The following CNTNAP5 variants were observed in gnomAD, a reference collection of about 807,000 sequenced individuals.
CNTNAP5 encodes the protein contactin associated protein family member 5, also known as contactin-associated protein-like 5.
Under a neutral mutation model 150.2 loss-of-function variants are expected in CNTNAP5, and 72 were observed. The observed-to-expected ratio is 0.48, with a 90% confidence interval of 0.40 to 0.58. CNTNAP5 has a LOEUF of 0.58. Ranked by LOEUF, CNTNAP5 falls within the 20% of genes least tolerant of loss-of-function variation. The pLI, the probability that CNTNAP5 is intolerant of heterozygous loss-of-function variation, is 0.00. For synonymous variants in CNTNAP5, 672 were observed against 619.8 expected (o/e 1.08, Z -1.25); for missense variants, 1,636 against 1,626.2 (o/e 1.01, Z -0.10).
chr2:124,105,724 T>G (rs1161896779), intron 1 of CNTNAP5, among the ~76,000 whole-genome samples: 1 of 152,200 alleles, frequency 6.6e-6, no homozygotes, highest in Admixed American at 6.5e-5. Flanking sequence ...AGTTTTGTTT[T>G]TGTTGTTATT....
At chr2:124,345,708 G>C (rs1289875971) in intron 3 of CNTNAP5, among the ~76,000 whole-genome samples, 4 of 152,094 alleles carry the variant, frequency 2.6e-5, no homozygotes, top group Non-Finnish European at 1.5e-5. Context: ...GAGAAGAAGA[G>C]AAAATAAGGA....
chr2:124,072,898 C>G (rs925640170), intron 1 of CNTNAP5, among the ~76,000 whole-genome samples: 8 of 151,844 alleles, frequency 5.3e-5, no homozygotes, highest in African/African-American at 1.7e-4. Context: ...CCAGAATAGC[C>G]AAAGCTATCT....
At chr2:124,223,596 A>G (rs1434699178) in intron 2 of CNTNAP5, among the ~76,000 whole-genome samples, 1 of 151,832 alleles carries the variant, frequency 6.6e-6, no homozygotes, top group Non-Finnish European at 1.5e-5. Flanking sequence ...ATCCCACCCA[A>G]ATTGTGCAGC....
chr2:124,108,500 TCTGTCTC>T (rs1683218515), intron 1 of CNTNAP5, among the ~76,000 whole-genome samples: 1 of 152,152 alleles, frequency 6.6e-6, no homozygotes, highest in Non-Finnish European at 1.5e-5. Context: ...AGGCCATCTC[TCTGTCTC>T]GTTAATATTT....
chr2:124,402,290 G>T (rs1458114957), intron 3 of CNTNAP5, among the ~76,000 whole-genome samples: 1 of 152,140 alleles, frequency 6.6e-6, no homozygotes, highest in African/African-American at 2.4e-5. Flanking sequence ...CCAAGGCTGG[G>T]CTGGGAATGA....
chr2:124,126,866 A>G (rs1683717146), intron 1 of CNTNAP5, among the ~76,000 whole-genome samples: 1 of 152,220 alleles, frequency 6.6e-6, no homozygotes, highest in South Asian at 2.1e-4. Flanking sequence ...ACAATCCTTC[A>G]TGCTAAAAAC....
chr2:124,129,946 A>G (rs1331662188), intron 1 of CNTNAP5, among the ~76,000 whole-genome samples: 1 of 152,160 alleles, frequency 6.6e-6, no homozygotes, highest in Non-Finnish European at 1.5e-5. Context: ...CACTGAAGAC[A>G]TCATGGTAAA....
chr2:124,231,329 G>T (rs937451140), intron 2 of CNTNAP5, among the ~76,000 whole-genome samples: 1 of 152,106 alleles, frequency 6.6e-6, no homozygotes, highest in Non-Finnish European at 1.5e-5. Context: ...CATCACTTCA[G>T]TACTCTGGTA....
At chr2:124,503,177 G>T (rs539992016) in intron 7 of CNTNAP5, among the ~76,000 whole-genome samples, 1 of 152,310 alleles carries the variant, frequency 6.6e-6, no homozygotes, top group South Asian at 2.1e-4. Context: ...GCAATAATAT[G>T]CTCATAGCAG....
intron 7 of CNTNAP5, among the ~76,000 whole-genome samples, chr2:124,498,393 G>A (rs998228717): frequency 6.6e-6 from 1 of 152,256 alleles, no homozygotes; most frequent in South Asian, 2.1e-4. Context: ...TCTGGGGAGG[G>A]GGAGGGAAGG....
chr2:124,149,897 ATTCC>A (rs1194354076), intron 1 of CNTNAP5, among the ~76,000 whole-genome samples: 23 of 152,296 alleles, frequency 1.5e-4, no homozygotes, highest in Non-Finnish European at 1.5e-5. Flanking sequence ...CTCTCAGACC[ATTCC>A]TGATGGAGAT....
chr2:124,362,398 G>A (rs967695954), intron 3 of CNTNAP5, among the ~76,000 whole-genome samples: 1 of 152,160 alleles, frequency 6.6e-6, no homozygotes, highest in South Asian at 2.1e-4. Flanking sequence ...AGGATATATC[G>A]ACTAAGTATT....
intron 13 of CNTNAP5, among the ~76,000 whole-genome samples, chr2:124,670,177 C>CTTCCTTCCTTCCTTCCTTCCTTCT (rs879800479): frequency 2.9e-5 from 4 of 138,224 alleles, no homozygotes; most frequent in African/African-American, 1.1e-4. Context: ...TCCTTCCTTC[C>CTTCCTTCCTTCCTTCCTTCCTTCT]TCCCTCTCTT....
intron 13 of CNTNAP5, among the ~76,000 whole-genome samples, chr2:124,727,050 A>C (rs769044157): frequency 6.6e-6 from 1 of 152,034 alleles, no homozygotes; most frequent in African/African-American, 2.4e-5. Flanking sequence ...ATTTTTCTGC[A>C]TGTGGATACA....
chr2:124,831,317 A>G (rs140239689), intron 19 of CNTNAP5, among the ~76,000 whole-genome samples: 15 of 151,954 alleles, frequency 9.9e-5, no homozygotes, highest in African/African-American at 3.4e-4. Context: ...TTTCTCATAC[A>G]AGATTAATAT....
At chr2:124,048,822 T>A (rs1681612952) in intron 1 of CNTNAP5, among the ~76,000 whole-genome samples, 1 of 152,210 alleles carries the variant, frequency 6.6e-6, no homozygotes, top group Admixed American at 6.5e-5. Flanking sequence ...CCATTTTGGA[T>A]GTCCTCATAA....
intron 13 of CNTNAP5, among the ~76,000 whole-genome samples, chr2:124,659,606 C>T (rs1168874254): frequency 1.3e-5 from 2 of 152,152 alleles, no homozygotes; most frequent in South Asian, 2.1e-4. Flanking sequence ...AACATATTGA[C>T]CTCACTTGCA....
At chr2:124,171,358 G>A (rs1387387291) in intron 1 of CNTNAP5, among the ~76,000 whole-genome samples, 4 of 152,266 alleles carry the variant, frequency 2.6e-5, no homozygotes, top group Non-Finnish European at 5.9e-5. Context: ...CCCTTGCCTC[G>A]TTTTTGATCA....
At chr2:124,518,024 C>T (rs916448190) in intron 8 of CNTNAP5, among the ~76,000 whole-genome samples, 4 of 151,652 alleles carry the variant, frequency 2.6e-5, no homozygotes, top group Non-Finnish European at 4.4e-5. Context: ...AGTGAGCAGG[C>T]GTGCTGCTAC....
Sources: allele counts gnomAD v4.1 joint callset (sites outside exome capture counted in the v4.1 genomes callset), GRCh38; gene constraint gnomAD v4.1.1; transcripts MANE v1.5; gene names NCBI Gene and HGNC (gene_info 2026-07-23, HGNC 2026-07-21).